PPP2R5E: variants seen among roughly 807,000 people sequenced by gnomAD.
PPP2R5E encodes protein phosphatase 2 regulatory subunit B'epsilon.
In PPP2R5E, 4 loss-of-function variants were observed where a neutral mutation model predicts 65.3. That is an observed-to-expected ratio of 0.06 (90% CI 0.03 to 0.14). PPP2R5E has a LOEUF of 0.14. PPP2R5E is among the 10% of genes least tolerant of loss of function. The pLI is 1.00. For synonymous variants in PPP2R5E, 183 were observed against 187.4 expected, an observed-to-expected ratio of 0.98 and a Z score of 0.19; for missense variants, 274 against 556.1, an observed-to-expected ratio of 0.49 and a Z score of 5.10.
At chr14:63,463,718 TCCCGAGTAGCTGGGAATACAGGC>T (rs2139521418) in intron 2 of PPP2R5E, among the ~76,000 whole-genome samples, 1 of 151,656 alleles carries the variant, frequency 6.6e-6, no homozygotes, top group East Asian at 2.0e-4. Context: ...TGCCTCAGCC[TCCCGAGTAGCTGGGAATACAGGC>T]GCCCGCCACC....
At chr14:63,399,912 C>T (rs1885647448) in intron 5 of PPP2R5E, among the ~76,000 whole-genome samples, 2 of 152,126 alleles carry the variant, frequency 1.3e-5, no homozygotes, top group Admixed American at 6.5e-5. Context: ...TTGACACTGA[C>T]AGCAGAATAA....
intron 7 of PPP2R5E, 142 bp from the exon 8 acceptor site, chr14:63,394,070 C>G: frequency 5.6e-6 from 1 of 179,400 alleles, no homozygotes; most frequent in Non-Finnish European, 1.1e-5. Flanking sequence ...TCAGAATTTC[C>G]TTTTTTTTTT....
At chr14:63,449,600 C>T (rs74060099) in intron 3 of PPP2R5E, among the ~76,000 whole-genome samples, 2,593 of 152,140 alleles carry the variant, frequency 0.017, 74 homozygotes, top group African/African-American at 0.059. Context: ...AGTAAGCACA[C>T]GTTCTATGGA....
intron 2 of PPP2R5E, among the ~76,000 whole-genome samples, chr14:63,528,304 A>G (rs78559316): frequency 0.013 from 2,045 of 152,314 alleles, 38 homozygotes; most frequent in African/African-American, 0.047. Context: ...AGTCCATTAT[A>G]ATATTCAGAT....
chr14:63,474,673 C>CAAAAAAAAAAAAAA (rs1157357885), intron 2 of PPP2R5E, among the ~76,000 whole-genome samples: 5 of 27,728 alleles, frequency 1.8e-4, no homozygotes, highest in Non-Finnish European at 1.5e-4. Flanking sequence ...TACCCCATCT[C>CAAAAAAAAAAAAAA]AAAAAAAAAA....
chr14:63,495,127 C>T (rs1333896010), intron 2 of PPP2R5E, among the ~76,000 whole-genome samples: 1 of 151,524 alleles, frequency 6.6e-6, no homozygotes, highest in East Asian at 1.9e-4. Flanking sequence ...CACTTGAACC[C>T]GGGAGGAGGA....
chr14:63,476,102 T>G (rs979742035), intron 2 of PPP2R5E, among the ~76,000 whole-genome samples: 5 of 152,096 alleles, frequency 3.3e-5, no homozygotes, highest in African/African-American at 4.8e-5. Flanking sequence ...ACAAAAAAAG[T>G]AAAAGCATTA....
At chr14:63,488,418 G>C (rs1327626261) in intron 2 of PPP2R5E, among the ~76,000 whole-genome samples, 2 of 152,056 alleles carry the variant, frequency 1.3e-5, no homozygotes, top group African/African-American at 4.8e-5. Context: ...GCCCAGACTA[G>C]TCTCAAACTC....
intron 5 of PPP2R5E, among the ~76,000 whole-genome samples, chr14:63,399,366 CTTTTTTTTTT>C (rs397814218): frequency 6.4e-4 from 31 of 48,504 alleles, no homozygotes; most frequent in East Asian, 6.0e-4. Flanking sequence ...GGATTTCTTT[CTTTTTTTTTT>C]TTTTTTTTTT....
At chr14:63,522,203 C>T (rs1213028345) in intron 2 of PPP2R5E, among the ~76,000 whole-genome samples, 2 of 152,142 alleles carry the variant, frequency 1.3e-5, no homozygotes, top group African/African-American at 4.8e-5. Flanking sequence ...GCCTCGGCCT[C>T]CCGAGGTGCC....
chr14:63,384,668 T>C (rs1884554925), intron 11 of PPP2R5E, 97 bp from the exon 12 acceptor site: 1 of 1,027,516 alleles, frequency 9.7e-7, no homozygotes, highest in Non-Finnish European at 1.4e-6. Context: ...CAAAAGGCTA[T>C]TTGTAAATCA....
intron 5 of PPP2R5E, among the ~76,000 whole-genome samples, chr14:63,412,562 G>C (rs1281613918): frequency 6.6e-6 from 1 of 152,196 alleles, no homozygotes; most frequent in Admixed American, 6.5e-5. Context: ...ACAAATGAGA[G>C]AAGGTTGACA....
At chr14:63,521,550 C>A (rs1307438411) in intron 2 of PPP2R5E, among the ~76,000 whole-genome samples, 1 of 152,086 alleles carries the variant, frequency 6.6e-6, no homozygotes, top group Non-Finnish European at 1.5e-5. Context: ...GCCGGTAATC[C>A]CACTCAGGAG....
intron 3 of PPP2R5E, among the ~76,000 whole-genome samples, chr14:63,433,611 G>T (rs746642704): frequency 1.3e-5 from 2 of 151,894 alleles, no homozygotes; most frequent in Non-Finnish European, 2.9e-5. Context: ...AGAAAGGTGC[G>T]CGCTGCTCTC....
chr14:63,507,618 C>T (rs145757060), intron 2 of PPP2R5E, among the ~76,000 whole-genome samples: 1,638 of 116,254 alleles, frequency 0.014, 43 homozygotes, highest in East Asian at 0.12. Flanking sequence ...CTTGTTCTGT[C>T]GCCCAGGCTG....
chr14:63,518,674 C>A (rs1484299438), intron 2 of PPP2R5E, among the ~76,000 whole-genome samples: 1 of 152,108 alleles, frequency 6.6e-6, no homozygotes, highest in East Asian at 1.9e-4. Context: ...GCATGGAAAC[C>A]ACAATATCAT....
At chr14:63,463,307 T>C (rs182902921) in intron 2 of PPP2R5E, among the ~76,000 whole-genome samples, 42 of 150,776 alleles carry the variant, frequency 2.8e-4, no homozygotes, top group Non-Finnish European at 5.5e-4. Context: ...GCCCAGCTAA[T>C]TTTTTGTATC....
In PPP2R5E at chr14:63,515,753, T is replaced by C. The variant is rs375079609; in HGVS notation, c.157+23776A>G. ...CCAGGCTGGTCTCGAACTCCTGACC[T>C]TGTGATCCACCTGCCTCAGCCTCCC... On this transcript the variant is annotated intron_variant, in intron 2 of 13. Coordinates refer to ENST00000337537, the MANE Select transcript of PPP2R5E (RefSeq NM_006246.5). Among the ~76,000 whole-genome samples, 15 of 151,894 alleles carry C rather than the reference T, an allele frequency of 9.9e-5. No homozygotes were observed. In the East Asian group the frequency reaches 2.1e-3, roughly 22 times the overall value.
chr14:63,374,653 AT>A lies in PPP2R5E; in HGVS notation c.*1355del, dbSNP rs1883884893. ...CAATAAGATATATATATATATATAT[AT>A]ATATATATATATATAAAATACAGCC... On this transcript the variant is annotated 3_prime_UTR_variant, in exon 14 of 14. Coordinates refer to ENST00000337537, the MANE Select transcript of PPP2R5E (RefSeq NM_006246.5). The A allele has an allele frequency of 4.5e-5, 5 of 111,310 alleles. No individual in the cohort carries two copies. Among genetic ancestry groups the A allele is most frequent in the African/African-American group, 2.0e-4 (5 of 24,536 alleles). The allele number at this position is 111,310 out of a possible 1,614,324, so 6.9% of individuals were successfully genotyped here. A position where few individuals can be genotyped will look rare whatever the true frequency, so the allele number is the denominator to read the frequency against.
Sources: gnomAD v4.1 joint callset for allele counts (sites outside exome capture counted in the v4.1 genomes callset) on GRCh38, gnomAD v4.1.1 for gene constraint, MANE v1.5 for transcripts, NCBI Gene and HGNC (gene_info 2026-07-23, HGNC 2026-07-21) for gene names.